The following INPP5E variants were observed in gnomAD, a reference collection of about 807,000 sequenced individuals.
The protein encoded by INPP5E is inositol polyphosphate-5-phosphatase E, also known as phosphatidylinositol polyphosphate 5-phosphatase type IV.
In INPP5E, 34 loss-of-function variants were observed where a neutral mutation model predicts 50.5. The observed-to-expected ratio is 0.67, with a 90% CI of 0.51 to 0.90. The LOEUF (loss-of-function observed/expected upper bound fraction) is 0.90. INPP5E is among the 40% of genes least tolerant of loss of function. INPP5E has a pLI of 0.00. For missense variants in INPP5E, 942 were observed against 905.5 expected (o/e 1.04, Z -0.52); for synonymous variants, 447 against 406.0 (o/e 1.10, Z -1.21).
chr9:136,433,883 C>T (rs953256999), intron 3 of INPP5E, among the ~76,000 whole-genome samples, 154 bp downstream of exon 3: 4 of 151,548 alleles, frequency 2.6e-5, no homozygotes, highest in African/African-American at 9.7e-5. Flanking sequence ...TGCCCGGCCA[C>T]GAACCGGGTA....
At chr9:136,432,388 G>A in intron 6 of INPP5E, 91 bp downstream of exon 6, 1 of 836,590 alleles carries the variant, frequency 1.2e-6, no homozygotes, top group Non-Finnish European at 2.0e-6. Flanking sequence ...CAAAGCTCAG[G>A]ACGCTGCCTC....
intron 8 of INPP5E, 49 bp downstream of exon 8, chr9:136,430,953 G>T: frequency 7.5e-7 from 1 of 1,328,934 alleles, no homozygotes; most frequent in Non-Finnish European, 1.1e-6. Flanking sequence ...GGCTGTGGGA[G>T]ATGCCTGCCC....
At chr9:136,432,283 G>A (rs1475664990) in intron 6 of INPP5E, among the ~76,000 whole-genome samples, 196 bp downstream of exon 6, 1 of 152,190 alleles carries the variant, frequency 6.6e-6, no homozygotes, top group African/African-American at 2.4e-5. Flanking sequence ...AGTGGGCCAC[G>A]CCGAGTGGAC....
Position 136,439,168 on chromosome 9 carries a change from C to CA in INPP5E, c.251dup (p.Ser85ValfsTer66), listed in dbSNP as rs1362295999. 4 of 1,565,410 alleles carry CA rather than the reference C, an allele frequency of 2.6e-6. No individual in the cohort carries two copies. The highest frequency in any genetic ancestry group is 3.4e-6 in the Non-Finnish European group (4 of 1,161,022). ...TCCTCCAGCCCTTGTCGTCCAGGGA[C>CA]AGGGCTCGCTCCAGTCGAGGCCTGG... is the stretch of plus-strand genomic sequence containing the variant. On this transcript the variant is annotated frameshift_variant, in exon 1 of 10. Coordinates refer to ENST00000371712, the MANE Select transcript of INPP5E (RefSeq NM_019892.6). LOFTEE classifies it high-confidence loss of function.
In INPP5E at chr9:136,431,852, G is replaced by A. The variant is rs10870188; in HGVS notation, c.1521C>T (p.His507=). 206,143 of 1,585,362 alleles carry A rather than the reference G, an allele frequency of 0.13. 15,661 individuals carry two copies. Among genetic ancestry groups the A allele is most frequent in the Admixed American group, 0.24 (13,820 of 57,708 alleles). ...TCCGCATCTCCCGGATGAGCTGGTCGTGCTGCAGCAGCGCCGGCACGTCCA... is the reference window on the plus strand; with the variant it reads ...TCCGCATCTCCCGGATGAGCTGGTCATGCTGCAGCAGCGCCGGCACGTCCA... ...LVVDVPALLQ[H]DQLIREMRKG... Residue 507 remains histidine (H), a synonymous_variant, in exon 7 of 10, where the codon CAC becomes CAT. Transcript: ENST00000371712.
At position 136,429,790 on chromosome 9, in the gene INPP5E, C is replaced by T. The variant is rs375144690; in HGVS notation, c.1820G>A (p.Gly607Asp). 3 of 1,612,862 alleles carry T rather than the reference C, an allele frequency of 1.9e-6. No individual in the cohort carries two copies. In the African/African-American group the frequency reaches 4.0e-5, roughly 22 times the overall value. ...PGRDNIPLAAGKFDRELYLLG... is the reference protein window; with the variant it reads ...PGRDNIPLAADKFDRELYLLG... Reference sequence around the variant, plus strand: ...TAAGTACAGTTCTCTATCAAATTTGCCAGCTGCCAACGGAATGCTGTGGAG... The same window carrying T: ...TAAGTACAGTTCTCTATCAAATTTGTCAGCTGCCAACGGAATGCTGTGGAG... The change falls in exon 10 of 10, where the codon GGC (glycine) becomes GAC (aspartate). Residue 607 changes from glycine (G) to aspartate (D), a missense_variant. Transcript: ENST00000371712.
At position 136,430,996 on chromosome 9, in the gene INPP5E, C is replaced by A; in HGVS notation, c.1665+6G>T. 9.5e-6 allele frequency: 15 copies of A among 1,580,414 alleles called. No homozygotes were observed. Among genetic ancestry groups the A allele is most frequent in the Non-Finnish European group, 1.3e-5 (15 of 1,149,844 alleles). On this transcript the variant is annotated splice_donor_region_variant and intron_variant, in intron 8 of 9. Coordinates refer to ENST00000371712, the MANE Select transcript of INPP5E (RefSeq NM_019892.6). Reference sequence around the variant, plus strand: ...ACTCTGCACCGCAGCGGTGGGCAGGCCTCACCGTGTATGAGGGCGTCCTCT... The same window carrying A: ...ACTCTGCACCGCAGCGGTGGGCAGGACTCACCGTGTATGAGGGCGTCCTCT...
chr9:136,433,891 G>T, intron 3 of INPP5E, 146 bp downstream of exon 3: 1 of 710,390 alleles, frequency 1.4e-6, no homozygotes, highest in Non-Finnish European at 2.5e-6. Flanking sequence ...CACGAACCGG[G>T]TATCAGCGCC....
Position 136,431,114 on chromosome 9 carries a change from G to T in INPP5E, c.1553C>A (p.Ser518Tyr), listed in dbSNP as rs1404412394. 4 of 1,608,622 alleles carry T rather than the reference G, an allele frequency of 2.5e-6. No individual in the cohort carries two copies. Among genetic ancestry groups the T allele is most frequent in the South Asian group, 1.1e-5 (1 of 90,970 alleles). The change falls in exon 8 of 10, where the codon TCC becomes TAC. Residue 518 changes from serine to tyrosine, a missense_variant. Transcript: ENST00000371712. ...CGGCTCCTGGAAGCCCTTGAAGATGGACCCTGCCACAGGATGGGCACTCGG... is the reference window on the plus strand; with the variant it reads ...CGGCTCCTGGAAGCCCTTGAAGATGTACCCTGCCACAGGATGGGCACTCGG... ...DQLIREMRKG[S>Y]IFKGFQEPDI...
At chr9:136,434,594 C>T (rs987569833) in intron 2 of INPP5E, 146 bp downstream of exon 2, 28 of 1,131,156 alleles carry the variant, frequency 2.5e-5, no homozygotes, top group Non-Finnish European at 3.3e-5. Context: ...TCTCACCCTC[C>T]TGTACTGCGG....
At position 136,438,940 on chromosome 9, in the gene INPP5E, A is replaced by T. The variant is rs1416721991; in HGVS notation, c.480T>A (p.Pro160=). The T allele has an allele frequency of 6.4e-7, 1 of 1,569,610 alleles. No homozygotes were observed. The highest frequency in any genetic ancestry group is 1.2e-5 in the South Asian group (1 of 86,372). ...GGGAGCTGCTGGCCACCCCAGAGAGAGGGTTACCCCCCGAGGACGGGCTCC... is the reference window on the plus strand; with the variant it reads ...GGGAGCTGCTGGCCACCCCAGAGAGTGGGTTACCCCCCGAGGACGGGCTCC... ...ERGSPSSGGN[P]LSGVASSSPN... is the part of the protein sequence containing the mutation. Residue 160 remains proline (P), a synonymous_variant, in exon 1 of 10, where the codon CCT becomes CCA. Coordinates refer to ENST00000371712, the MANE Select transcript of INPP5E (RefSeq NM_019892.6).
At chr9:136,430,849 AC>A (rs1835681975) in intron 8 of INPP5E, among the ~76,000 whole-genome samples, 152 bp downstream of exon 8, 2 of 151,980 alleles carry the variant, frequency 1.3e-5, no homozygotes, top group Admixed American at 6.5e-5. Flanking sequence ...GCCGTTCTCC[AC>A]CAAAGGGGAC....
At chr9:136,434,707 CTT>C in intron 2 of INPP5E, 31 bp downstream of exon 2, 5 of 1,584,234 alleles carry the variant, frequency 3.2e-6, no homozygotes, top group South Asian at 1.1e-5. Flanking sequence ...CCACCCCACC[CTT>C]CCCCGCCCAG....
At chr9:136,435,035 A>G (rs1835799946) in intron 1 of INPP5E, among the ~76,000 whole-genome samples, 172 bp from the exon 2 acceptor site, 2 of 152,180 alleles carry the variant, frequency 1.3e-5, no homozygotes, top group Admixed American at 1.3e-4. Flanking sequence ...CCAGGAACAC[A>G]AGGCCTGACC....
In INPP5E at chr9:136,433,274, T is replaced by C; in HGVS notation, c.1040A>G (p.Glu347Gly). 2 of 1,580,756 alleles carry C rather than the reference T, an allele frequency of 1.3e-6. No individual in the cohort carries two copies. Among genetic ancestry groups the C allele is most frequent in the South Asian group, 2.2e-5 (2 of 89,138 alleles). ...CGTCTCCTGCAGACGAGTCTCCCAC[T>C]CCCGCCTGCAGAGGAGGAAGCACGG... ...GVQEGCSDRR[E>G]WETRLQETLG... Residue 347 changes from glutamate to glycine, a missense_variant, in exon 4 of 10, where the codon GAG (glutamate) becomes GGG (glycine). By Grantham distance (98) the Glu-to-Gly change is moderately conservative. Coordinates refer to ENST00000371712, the MANE Select transcript of INPP5E (RefSeq NM_019892.6).
Position 136,439,223 on chromosome 9 carries a change from C to T in INPP5E, c.197G>A (p.Arg66Gln), listed in dbSNP as rs778236228. 7.8e-6 allele frequency: 12 copies of T among 1,530,810 alleles called. No homozygotes were observed. Among genetic ancestry groups the T allele is most frequent in the South Asian group, 3.6e-5 (3 of 83,734 alleles). The allele number at this position is 1,530,810 out of a possible 1,614,324, so 94.8% of individuals were successfully genotyped here. Residue 66 changes from arginine to glutamine, a missense_variant, in exon 1 of 10, where the codon CGA (arginine) becomes CAA (glutamine). Arg to Gln is a conservative substitution (Grantham distance 43). Coordinates refer to ENST00000371712, the MANE Select transcript of INPP5E (RefSeq NM_019892.6). ...ATPSGEDPPA[R>Q]AAPIAPRPPA... ...GGGCCGCGGGGCGATGGGTGCTGCT[C>T]GGGCTGGCGGGTCCTCGCCGCTGGG...
chr9:136,438,476 C>T (rs1835884786), intron 1 of INPP5E, 132 bp downstream of exon 1: 2 of 827,166 alleles, frequency 2.4e-6, no homozygotes, highest in Non-Finnish European at 4.0e-6. Flanking sequence ...GGGGTGGCTG[C>T]GGGAGACCCG....
Position 136,431,835 on chromosome 9 carries a change from T to C in INPP5E, c.1538A>G (p.Glu513Gly), listed in dbSNP as rs1380133380. ...CCCCAGGCCCTCACCTTTCCGCATC[T>C]CCCGGATGAGCTGGTCGTGCTGCAG... ...ALLQHDQLIR[E>G]MRKGSIFKGF... The change falls in exon 7 of 10, where the codon GAG (glutamate) becomes GGG (glycine). Residue 513 changes from glutamate (E) to glycine (G), a missense_variant. By Grantham distance (98) the Glu-to-Gly change is moderately conservative. Coordinates refer to ENST00000371712, the MANE Select transcript of INPP5E (RefSeq NM_019892.6). The C allele has an allele frequency of 1.3e-6, 2 of 1,565,930 alleles. No individual in the cohort carries two copies. Among genetic ancestry groups the C allele is most frequent in the African/African-American group, 2.9e-5 (2 of 68,934 alleles).
intron 5 of INPP5E, among the ~76,000 whole-genome samples, 165 bp from the exon 6 acceptor site, chr9:136,432,751 A>G (rs1394801501): frequency 6.6e-6 from 1 of 152,214 alleles, no homozygotes; most frequent in East Asian, 1.9e-4. Context: ...CTCGGAGGAC[A>G]GAGCACGGGC....
Sources: gnomAD v4.1 joint callset for allele counts (sites outside exome capture counted in the v4.1 genomes callset) on GRCh38, gnomAD v4.1.1 for gene constraint, MANE v1.5 for transcripts, NCBI Gene and HGNC (gene_info 2026-07-23, HGNC 2026-07-21) for gene names.